The following ZNF496 variants were observed in gnomAD, a reference collection of about 807,000 sequenced individuals.
ZNF496 encodes NSD1 (nuclear receptor binding SET-domain containing 1)-interacting zinc finger protein 1.
A neutral mutation model predicts 58.9 loss-of-function variants in ZNF496; 11 were observed. The observed-to-expected ratio is 0.19, with a 90% CI of 0.12 to 0.31. The LOEUF is 0.31. ZNF496 is among the 10% of genes least tolerant of loss of function. The pLI is 1.00. For synonymous variants in ZNF496, 338 were observed against 318.2 expected (o/e 1.06, Z -0.66); for missense variants, 660 against 783.0 (o/e 0.84, Z 1.88).
intron 5 of ZNF496, 73 bp from the exon 6 acceptor site, chr1:247,323,303 C>CT (rs1660019290): frequency 1.5e-5 from 17 of 1,100,888 alleles, no homozygotes; most frequent in Admixed American, 2.1e-5. Flanking sequence ...TCTGAGCTTC[C>CT]TGCGGCTCTT....
chr1:247,329,710 AC>A lies in ZNF496; in HGVS notation c.-37-96del. On this transcript the variant is annotated intron_variant, in intron 3 of 9. Coordinates refer to ENST00000682384, the MANE Select transcript of ZNF496 (RefSeq NM_032752.3). This position sits in a 1 kb window ranked among gnomAD's most constrained non-coding sequence, Gnocchi z 5.5. ...AAGGAAACTGTCAATGCCCTCAGAG[AC>A]CAGCCCTTTGGAGAAGCCCTGGGAA... The A allele has an allele frequency of 8.2e-7, 1 of 1,224,862 alleles. No individual in the cohort carries two copies. The highest frequency in any genetic ancestry group is 1.1e-6 in the Non-Finnish European group (1 of 892,050). 75.9% of individuals were successfully genotyped at this position (1,224,862 alleles called of 1,614,324 possible). A position where few individuals can be genotyped will look rare whatever the true frequency, so the allele number is the denominator to read the frequency against.
At chr1:247,312,749 A>G (rs972424211) in intron 6 of ZNF496, 1 of 140,436 alleles carries the variant, frequency 7.1e-6, no homozygotes, top group Non-Finnish European at 1.6e-5. Flanking sequence ...AAAAAAAAAA[A>G]GAAAAAGAAA....
Position 247,300,959 on chromosome 1 carries a change from C to T in ZNF496, c.1324G>A (p.Glu442Lys), listed in dbSNP as rs1422277169. ...AGGTCCTCGCTGTCGCTGAACAGCT[C>T]CCCGCACACCGAGCACTCGTGCGGC... Reference protein sequence around the residue: ...EKPHECSVCGELFSDSEDLDG... With the variant: ...EKPHECSVCGKLFSDSEDLDG... Residue 442 changes from glutamate (E) to lysine (K), a missense_variant, in exon 10 of 10, where the codon GAG becomes AAG. By Grantham distance (56) the Glu-to-Lys change is moderately conservative (BLOSUM62 1). Coordinates refer to ENST00000682384, the MANE Select transcript of ZNF496 (RefSeq NM_032752.3). This position sits in a 1 kb window ranked among gnomAD's most constrained non-coding sequence, Gnocchi z 5.7. The T allele has an allele frequency of 2.0e-5, 32 of 1,613,792 alleles. No individual in the cohort carries two copies. The highest frequency in any genetic ancestry group is 2.5e-5 in the Non-Finnish European group (30 of 1,180,050).
At chr1:247,310,553 G>T in intron 6 of ZNF496, 97 bp from the exon 7 acceptor site, 2 of 1,482,448 alleles carry the variant, frequency 1.3e-6, no homozygotes, top group South Asian at 1.2e-5. Context: ...GCTGTAGGAC[G>T]GGCAGTTTCT....
intron 9 of ZNF496, among the ~76,000 whole-genome samples, 173 bp from the exon 10 acceptor site, chr1:247,301,449 G>C (rs1659234681): frequency 6.6e-6 from 1 of 152,304 alleles, no homozygotes; most frequent in South Asian, 2.1e-4. Flanking sequence ...TAGCCTGTGA[G>C]GAAGAAATCT....
chr1:247,308,620 TG>T lies in ZNF496; in HGVS notation c.893-33del, dbSNP rs965844024. On this transcript the variant is annotated intron_variant, in intron 8 of 9. Transcript: ENST00000682384. This position sits in a 1 kb window ranked among gnomAD's most constrained non-coding sequence, Gnocchi z 4.5. Reference sequence around the variant, plus strand: ...AGAGGAGGAAATGGAAAAATTGATTTGTTTTGCACCTACAGCACTACCTGGG... The same window carrying T: ...AGAGGAGGAAATGGAAAAATTGATTTTTTTGCACCTACAGCACTACCTGGG... 16 of 1,596,874 alleles carry T rather than the reference TG, an allele frequency of 1.0e-5. No homozygotes were observed. The highest frequency in any genetic ancestry group is 1.3e-5 in the African/African-American group (1 of 74,566).
intron 9 of ZNF496, chr1:247,307,576 G>A (rs1192356718): frequency 2.0e-6 from 2 of 985,236 alleles, no homozygotes; most frequent in Non-Finnish European, 2.4e-6. Context: ...AACCAGGGGT[G>A]GGCATCCATG....
chr1:247,322,711 G>C (rs1315904581), intron 6 of ZNF496: 11 of 1,289,350 alleles, frequency 8.5e-6, no homozygotes, highest in Non-Finnish European at 1.1e-5. Context: ...GTAGATCTGT[G>C]ACAGGACTGA....
At chr1:247,316,404 G>A (rs1342892730) in intron 6 of ZNF496, among the ~76,000 whole-genome samples, 2 of 152,112 alleles carry the variant, frequency 1.3e-5, no homozygotes, top group Non-Finnish European at 2.9e-5. Flanking sequence ...CCATGTGGCA[G>A]TATTGAAAGG....
Position 247,304,030 on chromosome 1 carries a change from A to G in ZNF496, c.1007-2754T>C, listed in dbSNP as rs1045026716. The G allele has an allele frequency of 2.4e-4, 106 of 438,994 alleles. 1 individual carries two copies. The highest frequency in any genetic ancestry group is 3.3e-4 in the Non-Finnish European group (73 of 220,542). The allele number at this position is 438,994 out of a possible 1,614,324, so 27.2% of individuals were successfully genotyped here. A position where few individuals can be genotyped will look rare whatever the true frequency, so the allele number is the denominator to read the frequency against. ...GGAGGGCAGGGTTTCTGAGTATTAT[A>G]TACCAGCAGAAACACTGCCAGCTGG... On this transcript the variant is annotated intron_variant, in intron 9 of 9. Coordinates refer to ENST00000682384, the MANE Select transcript of ZNF496 (RefSeq NM_032752.3).
intron 6 of ZNF496, chr1:247,312,373 G>A (rs1659628358): frequency 6.6e-6 from 1 of 152,144 alleles, no homozygotes; most frequent in Non-Finnish European, 1.5e-5. Flanking sequence ...GACCTCATAA[G>A]AATAGCTTTA....
chr1:247,306,248 C>T (rs558362900), intron 9 of ZNF496, among the ~76,000 whole-genome samples: 3 of 151,384 alleles, frequency 2.0e-5, no homozygotes, highest in East Asian at 1.9e-4. Context: ...CAGGCTGGAG[C>T]GCAGTGGCGT....
chr1:247,317,329 A>G (rs1659813950), intron 6 of ZNF496, among the ~76,000 whole-genome samples: 1 of 152,196 alleles, frequency 6.6e-6, no homozygotes, highest in African/African-American at 2.4e-5. Context: ...AAAAGCTCCA[A>G]CAAAAGCCAC....
At chr1:247,312,066 C>T (rs575927160) in intron 6 of ZNF496, 8 of 152,366 alleles carry the variant, frequency 5.3e-5, no homozygotes, top group African/African-American at 1.9e-4. Context: ...CTCTCCTAAA[C>T]AGGCTGGCTC....
chr1:247,298,112 C>T lies in ZNF496; in HGVS notation c.*2407G>A, dbSNP rs1659138131. 6.6e-6 allele frequency: 1 copy of T among 152,092 alleles called. No homozygotes were observed. The highest frequency in any genetic ancestry group is 2.1e-4 in the South Asian group (1 of 4,824). 9.4% of individuals were successfully genotyped at this position (152,092 alleles called of 1,614,324 possible). A position where few individuals can be genotyped will look rare whatever the true frequency, so the allele number is the denominator to read the frequency against. ...GCCTGGCTTCTACTTGGAATTTTCC[C>T]CTCCCTTGGCCTTAAAAATCGGATT... On this transcript the variant is annotated 3_prime_UTR_variant, in exon 10 of 10. Transcript: ENST00000682384.
intron 9 of ZNF496, among the ~76,000 whole-genome samples, chr1:247,305,011 G>A (rs1035339312): frequency 2.0e-5 from 3 of 152,164 alleles, no homozygotes; most frequent in African/African-American, 7.2e-5. Flanking sequence ...TCCTGAGGGT[G>A]AGGTCTTACA....
Position 247,329,471 on chromosome 1 carries a change from G to A in ZNF496, c.108C>T (p.Pro36=), listed in dbSNP as rs1205949005. The change falls in exon 4 of 10, where the codon CCC becomes CCT. Residue 36 remains proline, a synonymous_variant. Coordinates refer to ENST00000682384, the MANE Select transcript of ZNF496 (RefSeq NM_032752.3). The surrounding 1 kb of genome is among the most constrained non-coding windows in gnomAD (Gnocchi z 5.5). ...AGAGACGCCGAGAGGACTCGGGGCT[G>A]GGAAGCTCCCCCTGGGGGCTAGGGT... ...GENPSPQGEL[P]SPESSRRLFR... 3 of 1,609,486 alleles carry A rather than the reference G, an allele frequency of 1.9e-6. No homozygotes were observed. Among genetic ancestry groups the A allele is most frequent in the South Asian group, 2.2e-5 (2 of 90,744 alleles).
chr1:247,306,497 G>GTTT (rs35122206), intron 9 of ZNF496, among the ~76,000 whole-genome samples: 12 of 144,448 alleles, frequency 8.3e-5, no homozygotes, highest in Non-Finnish European at 1.2e-4. Context: ...GCACCTGGCC[G>GTTT]TTTTTTTTTT....
In ZNF496 at chr1:247,308,603, A is replaced by C. The variant is rs111256963; in HGVS notation, c.893-15T>G. 2.0e-5 allele frequency: 32 copies of C among 1,610,978 alleles called. 1 individual carries two copies. The African/African-American group carries it at 2.4e-4, about 12-fold the overall frequency. ...ACTTGGAGAGTCTTTCCAGAGGAGG[A>C]AATGGAAAAATTGATTTGTTTTGCA... On this transcript the variant is annotated splice_polypyrimidine_tract_variant and intron_variant, in intron 8 of 9. Coordinates refer to ENST00000682384, the MANE Select transcript of ZNF496 (RefSeq NM_032752.3). The surrounding 1 kb of genome is among the most constrained non-coding windows in gnomAD (Gnocchi z 4.5).
Sources: allele counts gnomAD v4.1 joint callset (sites outside exome capture counted in the v4.1 genomes callset), GRCh38; gene constraint gnomAD v4.1.1; non-coding constraint Gnocchi (gnomAD v3.1); transcripts MANE v1.5; gene names NCBI Gene and HGNC (gene_info 2026-07-23, HGNC 2026-07-21).